Variants in TAFA1 observed in about 807,000 individuals in gnomAD.
TAFA1 encodes TAFA chemokine like family member 1.
TAFA1 carries 4 observed loss-of-function variants against 18.5 expected under a neutral mutation model. The ratio of observed to expected loss-of-function variants is 0.22; its 90% confidence interval spans 0.11 to 0.49. The LOEUF (loss-of-function observed/expected upper bound fraction) is 0.49. Ranked by LOEUF, TAFA1 falls within the 20% of genes least tolerant of loss-of-function variation. The pLI is 0.98. For synonymous variants in TAFA1, 56 were observed against 55.2 expected (o/e 1.01, Z -0.06); for missense variants, 147 against 169.0 (o/e 0.87, Z 0.72).
intron 2 of TAFA1, among the ~76,000 whole-genome samples, chr3:68,017,633 A>C (rs1350605243): frequency 1.3e-5 from 2 of 152,206 alleles, no homozygotes; most frequent in African/African-American, 2.4e-5. Context: ...AAAAAGAAGA[A>C]AATGACCTAA....
intron 2 of TAFA1, among the ~76,000 whole-genome samples, chr3:68,227,363 G>GACA (rs2066815121): frequency 6.6e-6 from 1 of 152,172 alleles, no homozygotes; most frequent in South Asian, 2.1e-4. Context: ...TGAAATTATG[G>GACA]TTTGGGCTGT....
intron 2 of TAFA1, among the ~76,000 whole-genome samples, chr3:68,375,241 G>T (rs1221334932): frequency 1.3e-5 from 2 of 151,946 alleles, no homozygotes; most frequent in African/African-American, 4.8e-5. Context: ...TTAGGAGCAG[G>T]ACTGTTTTCT....
chr3:68,351,704 A>C (rs189754499), intron 2 of TAFA1, among the ~76,000 whole-genome samples: 81 of 152,116 alleles, frequency 5.3e-4, no homozygotes, highest in African/African-American at 1.9e-3. Context: ...AATAACTGGA[A>C]GAGAAAAGCT....
chr3:68,232,626 T>C (rs1258881547), intron 2 of TAFA1, among the ~76,000 whole-genome samples: 3 of 152,176 alleles, frequency 2.0e-5, no homozygotes, highest in South Asian at 4.1e-4. Context: ...TTTTTTTCTC[T>C]TTTTTTAGTA....
chr3:68,127,589 A>AGTGATGTGGTAATG (rs2065479378), intron 2 of TAFA1, among the ~76,000 whole-genome samples: 2 of 500 alleles, frequency 4.0e-3, no homozygotes, highest in Non-Finnish European at 4.9e-3. Flanking sequence ...TAGTGATGGT[A>AGTGATGTGGTAATG]GCAGTGGATG....
At chr3:68,021,016 T>A (rs190582061) in intron 2 of TAFA1, among the ~76,000 whole-genome samples, 67 of 151,554 alleles carry the variant, frequency 4.4e-4, no homozygotes, top group African/African-American at 1.5e-3. Context: ...TGAAACCCCA[T>A]CTCTACTAAA....
intron 2 of TAFA1, among the ~76,000 whole-genome samples, chr3:68,049,031 C>T (rs2064432399): frequency 6.6e-6 from 1 of 152,110 alleles, no homozygotes; most frequent in South Asian, 2.1e-4. Flanking sequence ...TTTTGTGGAA[C>T]CCCTGAACTG....
intron 2 of TAFA1, among the ~76,000 whole-genome samples, chr3:68,105,374 A>G (rs2065191956): frequency 6.6e-6 from 1 of 152,174 alleles, no homozygotes; most frequent in African/African-American, 2.4e-5. Context: ...TCGTGTCAAA[A>G]TAATTTTTAG....
chr3:68,259,953 G>A (rs1239542297), intron 2 of TAFA1, among the ~76,000 whole-genome samples: 1 of 151,572 alleles, frequency 6.6e-6, no homozygotes, highest in African/African-American at 2.4e-5. Context: ...TAATTGCCCT[G>A]GCCAGAACTT....
At chr3:68,391,291 G>T (rs2070237721) in intron 2 of TAFA1, among the ~76,000 whole-genome samples, 1 of 152,072 alleles carries the variant, frequency 6.6e-6, no homozygotes, top group Non-Finnish European at 1.5e-5. Flanking sequence ...ATGAAATAAA[G>T]CATGAAGACA....
At chr3:68,210,861 T>A (rs1269334342) in intron 2 of TAFA1, among the ~76,000 whole-genome samples, 1 of 152,012 alleles carries the variant, frequency 6.6e-6, no homozygotes, top group Non-Finnish European at 1.5e-5. Context: ...TGTTGGGTGG[T>A]TCCAGCTGTG....
intron 3 of TAFA1, among the ~76,000 whole-genome samples, chr3:68,528,549 T>C (rs1235406100): frequency 6.6e-6 from 1 of 152,176 alleles, no homozygotes; most frequent in Non-Finnish European, 1.5e-5. Context: ...TACAGGTCTT[T>C]TGAAGAAAAG....
chr3:67,993,867 C>T, the TAFA1 span, among the ~76,000 whole-genome samples: 3 of 151,862 alleles, frequency 2.0e-5, no homozygotes, highest in African/African-American at 7.3e-5. Context: ...AGGCACATAG[C>T]GTTCCTATAT....
chr3:68,413,071 A>C lies in TAFA1; in HGVS notation c.119-4209A>C, dbSNP rs1157952697. Among the ~76,000 whole-genome samples, 4 of 152,046 alleles carry C rather than the reference A, an allele frequency of 2.6e-5. No individual in the cohort carries two copies. The East Asian group carries it at 7.7e-4, about 29-fold the overall frequency. ...CTGACTTTTTAATGATCACCATTCT[A>C]ACTGGTGTGAGATGGTATCTCATTG... On this transcript the variant is annotated intron_variant, in intron 2 of 4. Coordinates refer to ENST00000478136, the MANE Select transcript of TAFA1 (RefSeq NM_213609.4).
chr3:68,282,934 A>G (rs2067923709), intron 2 of TAFA1, among the ~76,000 whole-genome samples: 1 of 152,152 alleles, frequency 6.6e-6, no homozygotes, highest in African/African-American at 2.4e-5. Context: ...CTGGTCCTGA[A>G]TTATACTAGG....
chr3:68,540,237 T>G (rs1368019183), intron 4 of TAFA1, among the ~76,000 whole-genome samples: 1 of 152,164 alleles, frequency 6.6e-6, no homozygotes, highest in Non-Finnish European at 1.5e-5. Context: ...CAGTAGTAAA[T>G]GGCTATACAT....
intron 2 of TAFA1, among the ~76,000 whole-genome samples, chr3:68,296,528 A>G (rs1298057570): frequency 6.6e-6 from 1 of 152,146 alleles, no homozygotes; most frequent in African/African-American, 2.4e-5. Flanking sequence ...CTTAAAAATA[A>G]TACAAGGTAT....
At chr3:68,117,744 G>A (rs1191636550) in intron 2 of TAFA1, among the ~76,000 whole-genome samples, 1 of 152,138 alleles carries the variant, frequency 6.6e-6, no homozygotes, top group Non-Finnish European at 1.5e-5. Context: ...TAATGTAAGT[G>A]TTATGTCTTA....
At chr3:68,306,380 T>C (rs1012422799) in intron 2 of TAFA1, among the ~76,000 whole-genome samples, 1 of 152,214 alleles carries the variant, frequency 6.6e-6, no homozygotes, top group African/African-American at 2.4e-5. Context: ...TAAGTGACAG[T>C]AATTATCAGG....
Sources: allele counts gnomAD v4.1 joint callset (sites outside exome capture counted in the v4.1 genomes callset), GRCh38; gene constraint gnomAD v4.1.1; transcripts MANE v1.5; gene names NCBI Gene and HGNC (gene_info 2026-07-23, HGNC 2026-07-21).